Variants in ZNF717 observed in about 807,000 individuals in gnomAD.
The protein encoded by ZNF717 is zinc finger protein 717, also known as krueppel-like factor X17.
A neutral mutation model predicts 13.8 loss-of-function variants in ZNF717; 9 were observed. The observed-to-expected ratio is 0.65, with a 90% CI of 0.39 to 1.14. The LOEUF is 1.14. ZNF717 is among the 50% of genes most tolerant of loss of function. ZNF717 has a pLI of 0.01. For missense variants in ZNF717, 1,040 were observed against 1,080.7 expected, an observed-to-expected ratio of 0.96 and a Z score of 0.53; for synonymous variants, 327 against 364.1, an observed-to-expected ratio of 0.90 and a Z score of 1.16.
At chr3:75,774,612 T>A (rs1447405590) in intron 2 of ZNF717, among the ~76,000 whole-genome samples, 3 of 37,538 alleles carry the variant, frequency 8.0e-5, no homozygotes, top group African/African-American at 5.4e-4. Flanking sequence ...TTCTTGTGGT[T>A]TTTTTTTTTT....
At chr3:75,722,585 C>A (rs1201343997) in intron 4 of ZNF717, among the ~76,000 whole-genome samples, 1 of 152,052 alleles carries the variant, frequency 6.6e-6, no homozygotes, top group African/African-American at 2.4e-5. Context: ...GAGGCTGAGG[C>A]GGGCGGATCA....
downstream of ZNF717, among the ~76,000 whole-genome samples, chr3:75,725,762 A>AT (rs1938267494): frequency 6.6e-6 from 1 of 152,202 alleles, no homozygotes; most frequent in Admixed American, 6.5e-5. Context: ...ATTCACTATC[A>AT]TAAGAACAAC....
intron 4 of ZNF717, among the ~76,000 whole-genome samples, chr3:75,720,208 C>T (rs1169682179): frequency 6.6e-6 from 1 of 151,940 alleles, no homozygotes; most frequent in Non-Finnish European, 1.5e-5. Flanking sequence ...CTAATATATT[C>T]ACAATAGCAA....
At chr3:75,718,224 C>T (rs1369892690) in intron 4 of ZNF717, among the ~76,000 whole-genome samples, 4 of 152,228 alleles carry the variant, frequency 2.6e-5, no homozygotes, top group East Asian at 3.9e-4. Flanking sequence ...GGGAATGGAA[C>T]CCAGGCCAAG....
At chr3:75,720,132 A>G (rs1397010909) in intron 4 of ZNF717, among the ~76,000 whole-genome samples, 1 of 152,068 alleles carries the variant, frequency 6.6e-6, no homozygotes, top group African/African-American at 2.4e-5. Context: ...AGACCCAGCA[A>G]TCCCATTACT....
intron 2 of ZNF717, among the ~76,000 whole-genome samples, chr3:75,752,197 T>C (rs1941893476): frequency 6.6e-6 from 1 of 151,826 alleles, no homozygotes; most frequent in Non-Finnish European, 1.5e-5. Context: ...TCCAGAACAC[T>C]GCTACGAGGG....
intron 2 of ZNF717, among the ~76,000 whole-genome samples, chr3:75,748,762 T>C (rs1295271534): frequency 1.8e-4 from 27 of 152,182 alleles, no homozygotes; most frequent in Non-Finnish European, 7.3e-5. Flanking sequence ...ACTGGAAGGA[T>C]TCCCTTTGAA....
At chr3:75,697,082 G>A (rs1937612276) in intron 6 of ZNF717, among the ~76,000 whole-genome samples, 1 of 152,406 alleles carries the variant, frequency 6.6e-6, no homozygotes, top group Non-Finnish European at 1.5e-5. Flanking sequence ...CATACTAAGT[G>A]GGGAAAAACT....
chr3:75,737,159 T>A lies in ZNF717; in HGVS notation c.2464A>T (p.Thr822Ser). 2 of 1,559,480 alleles carry A rather than the reference T, an allele frequency of 1.3e-6. No homozygotes were observed. Among genetic ancestry groups the A allele is most frequent in the East Asian group, 4.8e-5 (2 of 41,252 alleles). ...KPFECKECRK[T>S]FSQKSKLFVH... ...AAGAGTTTTGACTTCTGGGAGAAGG[T>A]TTTCCTACATTCTTTACATTCAAAT... Residue 822 changes from threonine (T) to serine (S), a missense_variant, in exon 5 of 5, where the codon ACC (threonine) becomes TCC (serine). Physicochemically the swap from Thr to Ser is moderately conservative, Grantham distance 58 (BLOSUM62 1). Around this residue, in one of 3 missense-constraint regions of ZNF717, gnomAD observed 873 missense variants for 832.8 expected, o/e 1.05. Transcript: ENST00000652011.
intron 2 of ZNF717, among the ~76,000 whole-genome samples, chr3:75,776,826 CTG>C (rs758780377): frequency 2.0e-5 from 3 of 152,274 alleles, no homozygotes; most frequent in Admixed American, 6.5e-5. Context: ...TCTTAAGTAT[CTG>C]TGCAGCTGCT....
chr3:75,728,177 CAA>C (rs1938330337), downstream of ZNF717, among the ~76,000 whole-genome samples: 1 of 152,162 alleles, frequency 6.6e-6, no homozygotes, highest in African/African-American at 2.4e-5. Context: ...GTTCACAAAA[CAA>C]AAATATTGCT....
chr3:75,782,721 A>G (rs146519838), intron 2 of ZNF717, among the ~76,000 whole-genome samples: 144 of 152,286 alleles, frequency 9.5e-4, no homozygotes, highest in African/African-American at 3.3e-3. Flanking sequence ...TTAGCAGCAG[A>G]TGACCATTTC....
At chr3:75,728,258 G>A (rs1938332103), downstream of ZNF717, among the ~76,000 whole-genome samples, 1 of 152,170 alleles carries the variant, frequency 6.6e-6, no homozygotes, top group Admixed American at 6.5e-5. Context: ...ATCATCTCTG[G>A]AACACTTCGG....
intron 1 of ZNF717, among the ~76,000 whole-genome samples, chr3:75,784,398 T>C (rs1353770246): frequency 1.3e-5 from 2 of 152,202 alleles, no homozygotes; most frequent in East Asian, 1.9e-4. Flanking sequence ...CAAAATTACG[T>C]AGGGGGAGAA....
At chr3:75,766,716 C>T (rs575471844) in intron 2 of ZNF717, among the ~76,000 whole-genome samples, 20 of 152,390 alleles carry the variant, frequency 1.3e-4, no homozygotes, top group African/African-American at 4.1e-4. Context: ...CACAGTTGAG[C>T]ACTACCAAGA....
At position 75,737,316 on chromosome 3, in the gene ZNF717, G is replaced by A. The variant is rs1351084175; in HGVS notation, c.2307C>T (p.His769=). The part of the protein sequence containing the change: ...ECNECGKTFC[H]KSNLSTHQGT... Reference sequence around the variant, plus strand: ...CCTGATGCGTACTGAGGTTTGACTTGTGACAAAAGGTTTTCCCACACTCAT... The same window carrying A: ...CCTGATGCGTACTGAGGTTTGACTTATGACAAAAGGTTTTCCCACACTCAT... The change falls in exon 5 of 5, where the codon CAC becomes CAT. Residue 769 remains histidine (H), a synonymous_variant. Transcript: ENST00000652011. The A allele has an allele frequency of 6.4e-7, 1 of 1,552,152 alleles. No homozygotes were observed. The highest frequency in any genetic ancestry group is 1.4e-5 in the African/African-American group (1 of 72,926).
chr3:75,731,774 A>G (rs1938579358), downstream of ZNF717, among the ~76,000 whole-genome samples: 1 of 152,236 alleles, frequency 6.6e-6, no homozygotes, highest in African/African-American at 2.4e-5. Flanking sequence ...ATAAAACAAA[A>G]GCTGAAGAGA....
chr3:75,697,049 T>C (rs796205325), intron 6 of ZNF717, among the ~76,000 whole-genome samples: 1 of 152,282 alleles, frequency 6.6e-6, no homozygotes, highest in African/African-American at 2.4e-5. Flanking sequence ...AAAAGTCATA[T>C]ATGACAGACC....
chr3:75,719,114 C>T (rs7431725), intron 4 of ZNF717, among the ~76,000 whole-genome samples: 269 of 151,688 alleles, frequency 1.8e-3, no homozygotes, highest in Admixed American at 4.3e-3. Flanking sequence ...GGAAACATGG[C>T]AAAACCCTCT....
Sources: gnomAD v4.1 joint callset for allele counts (sites outside exome capture counted in the v4.1 genomes callset) on GRCh38, gnomAD v4.1.1 for gene constraint, gnomAD v4.1.1 regional missense constraint, MANE v1.5 for transcripts, NCBI Gene and HGNC (gene_info 2026-07-23, HGNC 2026-07-21) for gene names.